SPON1: variants seen among roughly 807,000 people sequenced by gnomAD.
SPON1 encodes the protein spondin-1.
Under a neutral mutation model 111.7 loss-of-function variants are expected in SPON1, and 52 were observed. The ratio of observed to expected loss-of-function variants is 0.47; its 90% CI spans 0.37 to 0.59. The LOEUF is 0.59. Among genes scored for constraint, SPON1 ranks in the 20% least tolerant of loss-of-function variants. The probability of loss-of-function intolerance (pLI) is 0.00; values close to 1 mark genes in which losing one functional copy is unlikely to be tolerated. For synonymous variants in SPON1, 410 were observed against 395.8 expected (o/e 1.04, Z -0.43); for missense variants, 957 against 1,068.5 (o/e 0.90, Z 1.46).
At chr11:14,173,606 T>TC (rs1298615026) in intron 6 of SPON1, among the ~76,000 whole-genome samples, 1 of 152,162 alleles carries the variant, frequency 6.6e-6, no homozygotes, top group Non-Finnish European at 1.5e-5. Context: ...GCTCTGTTTT[T>TC]CCCCCATCTT....
intron 5 of SPON1, among the ~76,000 whole-genome samples, chr11:14,108,611 G>GCAATGAGGA (rs1266670380): frequency 1.1e-4 from 16 of 152,222 alleles, no homozygotes; most frequent in Non-Finnish European, 4.4e-5. Context: ...GGCCTAACCA[G>GCAATGAGGA]CAATGAGGAA....
intron 5 of SPON1, among the ~76,000 whole-genome samples, chr11:14,107,590 G>GAAA (rs3047369): frequency 7.0e-4 from 84 of 119,238 alleles, no homozygotes; most frequent in African/African-American, 2.4e-3. Context: ...AGATCCTCAG[G>GAAA]AAAAAAAAAA....
Position 14,170,787 on chromosome 11 carries a change from A to G in SPON1, c.825+35219A>G, listed in dbSNP as rs540340558. Among the ~76,000 whole-genome samples, 223 of 152,270 alleles carry G rather than the reference A, an allele frequency of 1.5e-3. 1 individual carries two copies. Among genetic ancestry groups the G allele is most frequent in the African/African-American group, 5.1e-3 (210 of 41,560 alleles). On this transcript the variant is annotated intron_variant, in intron 6 of 15. Coordinates refer to ENST00000576479, the MANE Select transcript of SPON1 (RefSeq NM_006108.4). ...TTGTCTTTGGTTCTGTTTATATGCC[A>G]GATTACGTTTATTGATTTTCGTATG...
Position 13,982,913 on chromosome 11 carries a change from GA to G in SPON1, c.306del (p.Glu103ArgfsTer15). 6.4e-7 allele frequency: 1 copy of G among 1,559,186 alleles called. No individual in the cohort carries two copies. Among genetic ancestry groups the G allele is most frequent in the Non-Finnish European group, 8.7e-7 (1 of 1,150,626 alleles). ...GFTLIALREN[R>X]EGDKEEDHAG... ...ACATTAATTGCCCTCAGAGAGAACA[GA>G]GAGGGTGATAAGGAAGAAGACCATG... On this transcript the variant is annotated frameshift_variant, in exon 2 of 16. Transcript: ENST00000576479. LOFTEE classifies it high-confidence loss of function.
chr11:14,162,948 G>A lies in SPON1; in HGVS notation c.825+27380G>A, dbSNP rs200038778. Among the ~76,000 whole-genome samples the A allele has an allele frequency of 5.6e-4, 86 of 152,330 alleles. 1 individual carries two copies. The East Asian group carries it at 0.016, about 28-fold the overall frequency. ...AAGAGGTTAAGTGTTGGCTAGTCAA[G>A]AGAGCTTCTGCAATACAGTTATTTT... On this transcript the variant is annotated intron_variant, in intron 6 of 15. Transcript: ENST00000576479.
intron 6 of SPON1, among the ~76,000 whole-genome samples, chr11:14,230,059 G>C (rs1367135244): frequency 1.3e-5 from 2 of 151,572 alleles, no homozygotes; most frequent in African/African-American, 2.4e-5. Flanking sequence ...CATCTCCCAA[G>C]TCTCTCCCCA....
intron 2 of SPON1, among the ~76,000 whole-genome samples, chr11:14,023,977 C>T (rs1421558747): frequency 2.0e-5 from 3 of 147,348 alleles, no homozygotes; most frequent in Non-Finnish European, 3.0e-5. Context: ...ACTCCAGCCT[C>T]GGTGACAGTG....
intron 1 of SPON1, among the ~76,000 whole-genome samples, chr11:13,969,356 G>A (rs1848044972): frequency 6.6e-6 from 1 of 152,126 alleles, no homozygotes; most frequent in Non-Finnish European, 1.5e-5. Flanking sequence ...AGTGCACCCA[G>A]CCTGGGCGAC....
chr11:14,162,283 T>C (rs1847975755), intron 6 of SPON1, among the ~76,000 whole-genome samples: 1 of 152,172 alleles, frequency 6.6e-6, no homozygotes, highest in Non-Finnish European at 1.5e-5. Context: ...AATGTATATA[T>C]AGGAATGTCT....
At chr11:14,233,153 G>A (rs773652685) in intron 6 of SPON1, among the ~76,000 whole-genome samples, 1 of 152,050 alleles carries the variant, frequency 6.6e-6, no homozygotes, top group African/African-American at 2.4e-5. Context: ...GTTGAGCTCC[G>A]GCCTCATATA....
intron 6 of SPON1, among the ~76,000 whole-genome samples, chr11:14,213,605 T>G (rs1198223120): frequency 6.6e-6 from 1 of 152,168 alleles, no homozygotes; most frequent in Non-Finnish European, 1.5e-5. Context: ...ACAAAGCACT[T>G]TCTATGTACA....
At chr11:14,220,677 G>A (rs782445073) in intron 6 of SPON1, among the ~76,000 whole-genome samples, 2 of 152,104 alleles carry the variant, frequency 1.3e-5, no homozygotes, top group East Asian at 1.9e-4. Flanking sequence ...ATGACTTACA[G>A]GTAATTTCTG....
At position 14,099,446 on chromosome 11, in the gene SPON1, TG is replaced by T. The variant is rs1301387793; in HGVS notation, c.676+19426del. 1.4e-4 allele frequency among the ~76,000 whole-genome samples: 22 copies of T among 152,342 alleles called. No homozygotes were observed. In the South Asian group the frequency reaches 3.9e-3, roughly 27 times the overall value. On this transcript the variant is annotated intron_variant, in intron 5 of 15. Coordinates refer to ENST00000576479, the MANE Select transcript of SPON1 (RefSeq NM_006108.4). ...ATGCTGATTTTCCCATTTTGTTTTT[TG>T]TTTTTATTAATAATAAATGCACTTA...
chr11:14,016,253 T>A (rs556860163), intron 2 of SPON1, among the ~76,000 whole-genome samples: 2 of 152,390 alleles, frequency 1.3e-5, no homozygotes, highest in African/African-American at 4.8e-5. Flanking sequence ...TTTACACATG[T>A]GATCTCATTT....
intron 4 of SPON1, among the ~76,000 whole-genome samples, chr11:14,076,473 C>T (rs1329475321): frequency 1.3e-5 from 2 of 152,136 alleles, no homozygotes; most frequent in Admixed American, 1.3e-4. Flanking sequence ...ACTTCATATG[C>T]ATTAATTTTA....
At chr11:14,075,866 G>A (rs1591368769) in intron 4 of SPON1, among the ~76,000 whole-genome samples, 1 of 152,132 alleles carries the variant, frequency 6.6e-6, no homozygotes, top group South Asian at 2.1e-4. Context: ...GGATGCCAAG[G>A]GGGTGTTGAC....
intron 5 of SPON1, among the ~76,000 whole-genome samples, chr11:14,123,010 C>T (rs1400107478): frequency 6.7e-6 from 1 of 149,548 alleles, no homozygotes; most frequent in East Asian, 2.0e-4. Context: ...TAGCTCACTT[C>T]AACCTTGAAC....
intron 6 of SPON1, among the ~76,000 whole-genome samples, chr11:14,143,417 G>T (rs1225838730): frequency 6.6e-6 from 1 of 152,140 alleles, no homozygotes; most frequent in Non-Finnish European, 1.5e-5. Context: ...CCAAAAATTA[G>T]CCAGGCATGG....
chr11:14,210,343 A>T (rs1474894191), intron 6 of SPON1, among the ~76,000 whole-genome samples: 5 of 140,030 alleles, frequency 3.6e-5, no homozygotes, highest in Non-Finnish European at 7.8e-5. Context: ...GCCCATGCCT[A>T]TGTCCTGAAT....
Sources: allele counts gnomAD v4.1 joint callset (sites outside exome capture counted in the v4.1 genomes callset), GRCh38; gene constraint gnomAD v4.1.1; transcripts MANE v1.5; gene names NCBI Gene and HGNC (gene_info 2026-07-23, HGNC 2026-07-21).